The following DAB1 variants were observed in gnomAD, a reference collection of about 807,000 sequenced individuals.
The protein encoded by DAB1 is DAB adaptor protein 1.
A neutral mutation model predicts 64.6 loss-of-function variants in DAB1; 15 were observed. That is an observed-to-expected ratio of 0.23 (90% CI 0.16 to 0.36). The LOEUF is 0.36. Among genes scored for constraint, DAB1 ranks in the 10% least tolerant of loss-of-function variants. The probability of loss-of-function intolerance (pLI) is 1.00; values close to 1 mark genes in which losing one functional copy is unlikely to be tolerated. For missense variants in DAB1, 596 were observed against 706.7 expected, an observed-to-expected ratio of 0.84 and a Z score of 1.78; for synonymous variants, 235 against 251.9, an observed-to-expected ratio of 0.93 and a Z score of 0.64.
intron 2 of DAB1, among the ~76,000 whole-genome samples, chr1:57,185,201 C>A (rs944380220): frequency 3.9e-5 from 6 of 152,082 alleles, no homozygotes; most frequent in African/African-American, 1.4e-4. Flanking sequence ...CTGCACAGTC[C>A]CATCACCACT....
chr1:58,103,033 C>T (rs930418178), intron 5 of DAB1, among the ~76,000 whole-genome samples: 2 of 152,062 alleles, frequency 1.3e-5, no homozygotes, highest in Non-Finnish European at 2.9e-5. Flanking sequence ...CATTCTGGAC[C>T]CCTGCCTACT....
At chr1:57,200,362 T>G (rs1232150122) in intron 2 of DAB1, among the ~76,000 whole-genome samples, 3 of 152,226 alleles carry the variant, frequency 2.0e-5, no homozygotes. Flanking sequence ...TTCTCTTGCA[T>G]GAAACATGCA....
chr1:58,031,189 C>CA (rs1259690563), intron 5 of DAB1, among the ~76,000 whole-genome samples: 5 of 152,084 alleles, frequency 3.3e-5, no homozygotes, highest in Admixed American at 2.6e-4. Flanking sequence ...GCTTACAGAA[C>CA]AAAAAAATGC....
At chr1:57,483,823 GGAAGA>G (rs1442327370) in intron 7 of DAB1, among the ~76,000 whole-genome samples, 1 of 152,108 alleles carries the variant, frequency 6.6e-6, no homozygotes, top group Non-Finnish European at 1.5e-5. Flanking sequence ...AAGTGTCTTA[GGAAGA>G]GGACTATATA....
chr1:57,370,090 C>A (rs1038069859), intron 1 of DAB1, among the ~76,000 whole-genome samples: 2 of 152,128 alleles, frequency 1.3e-5, no homozygotes, highest in Non-Finnish European at 2.9e-5. Flanking sequence ...CAGTCCCCAC[C>A]CACAGCCCAA....
chr1:57,304,645 C>T (rs2100710903), intron 1 of DAB1, among the ~76,000 whole-genome samples: 1 of 152,206 alleles, frequency 6.6e-6, no homozygotes, highest in South Asian at 2.1e-4. Flanking sequence ...GTAATATATG[C>T]AAATTGCCTG....
chr1:57,858,169 T>G (rs1366681136), intron 1 of DAB1, among the ~76,000 whole-genome samples: 1 of 152,232 alleles, frequency 6.6e-6, no homozygotes, highest in Non-Finnish European at 1.5e-5. Context: ...CCCATTCGAT[T>G]CTAGTTGACA....
intron 5 of DAB1, chr1:58,048,336 T>G (rs1647380352): frequency 9.5e-7 from 1 of 1,055,322 alleles, no homozygotes; most frequent in Non-Finnish European, 1.5e-6. Flanking sequence ...GAAAACTGAT[T>G]GTTTTAATTG....
intron 7 of DAB1, among the ~76,000 whole-genome samples, chr1:57,573,666 C>T (rs1645217310): frequency 6.6e-6 from 1 of 152,232 alleles, no homozygotes; most frequent in Non-Finnish European, 1.5e-5. Flanking sequence ...CAATGAAGGG[C>T]CCTAGTAACC....
intron 3 of DAB1, among the ~76,000 whole-genome samples, chr1:58,501,157 T>C (rs1014972885): frequency 6.6e-6 from 1 of 152,192 alleles, no homozygotes. Flanking sequence ...TACAAACCTG[T>C]ATTTATCCTT....
chr1:57,356,461 A>G (rs1260286031), intron 1 of DAB1, among the ~76,000 whole-genome samples: 1 of 152,114 alleles, frequency 6.6e-6, no homozygotes, highest in Non-Finnish European at 1.5e-5. Flanking sequence ...TGATGATATC[A>G]CATTTATTTC....
At chr1:57,784,455 T>G (rs1443859761) in intron 6 of DAB1, among the ~76,000 whole-genome samples, 1 of 152,140 alleles carries the variant, frequency 6.6e-6, no homozygotes, top group Admixed American at 6.6e-5. Flanking sequence ...AGCCAAGTTA[T>G]ACATGCAAAA....
chr1:58,120,200 C>A (rs150755872), intron 5 of DAB1, among the ~76,000 whole-genome samples: 112 of 152,146 alleles, frequency 7.4e-4, no homozygotes, highest in African/African-American at 2.6e-3. Flanking sequence ...TTTCCTCACT[C>A]CTAAAGAGTA....
intron 7 of DAB1, among the ~76,000 whole-genome samples, chr1:57,535,216 G>A (rs760117584): frequency 3.3e-5 from 5 of 152,076 alleles, no homozygotes; most frequent in Non-Finnish European, 7.4e-5. Context: ...CGCATTTATT[G>A]TCTATCTTTC....
At chr1:57,997,383 A>T (rs1011195393) in intron 5 of DAB1, among the ~76,000 whole-genome samples, 1 of 152,196 alleles carries the variant, frequency 6.6e-6, no homozygotes, top group Non-Finnish European at 1.5e-5. Flanking sequence ...GTGCACTTGA[A>T]TCTCTCAAGT....
chr1:57,455,465 A>G (rs1686553250), intron 7 of DAB1, among the ~76,000 whole-genome samples: 1 of 152,138 alleles, frequency 6.6e-6, no homozygotes, highest in Non-Finnish European at 1.5e-5. Context: ...CTTTATCTGT[A>G]GGCTATGGGG....
intron 1 of DAB1, among the ~76,000 whole-genome samples, chr1:57,322,865 T>G (rs1025505116): frequency 6.6e-6 from 1 of 152,148 alleles, no homozygotes; most frequent in African/African-American, 2.4e-5. Flanking sequence ...ATTGGCTACA[T>G]CCCAACCAAG....
chr1:57,049,500 A>G (rs1467914050), intron 9 of DAB1, among the ~76,000 whole-genome samples: 11 of 127,788 alleles, frequency 8.6e-5, no homozygotes, highest in Non-Finnish European at 1.7e-5. Context: ...GGAAATTCCC[A>G]TGCATGTAAC....
intron 2 of DAB1, among the ~76,000 whole-genome samples, chr1:57,149,358 C>G (rs559619190): frequency 6.6e-6 from 1 of 152,126 alleles, no homozygotes; most frequent in South Asian, 2.1e-4. Context: ...AAGGAATTGT[C>G]GCATCATATG....
Sources: allele counts gnomAD v4.1 joint callset (sites outside exome capture counted in the v4.1 genomes callset), GRCh38; gene constraint gnomAD v4.1.1; transcripts MANE v1.5; gene names NCBI Gene and HGNC (gene_info 2026-07-23, HGNC 2026-07-21).